The following FBXO24 variants were observed in gnomAD, a reference collection of about 807,000 sequenced individuals.
FBXO24 encodes the protein F-box protein 24.
In FBXO24, 30 loss-of-function variants were observed where a neutral mutation model predicts 63.5. The ratio of observed to expected loss-of-function variants is 0.47; its 90% CI spans 0.35 to 0.64. The LOEUF is 0.64. Among genes scored for constraint, FBXO24 ranks in the 30% least tolerant of loss-of-function variants. The probability of loss-of-function intolerance (pLI) is 0.00; values close to 1 mark genes in which losing one functional copy is unlikely to be tolerated. For missense variants in FBXO24, 624 were observed against 763.4 expected, an observed-to-expected ratio of 0.82 and a Z score of 2.15; for synonymous variants, 300 against 305.0, an observed-to-expected ratio of 0.98 and a Z score of 0.17.
intron 8 of FBXO24, among the ~76,000 whole-genome samples, chr7:100,598,751 T>C (rs1287539030): frequency 6.6e-6 from 1 of 151,754 alleles, no homozygotes; most frequent in Admixed American, 6.6e-5. Flanking sequence ...CCAAGGCAGG[T>C]GGATTGCCTG....
rs773347448 is a variant in FBXO24, at chr7:100,591,785, C to T, written c.441C>T (p.Phe147=). 2 of 1,614,260 alleles carry T rather than the reference C, an allele frequency of 1.2e-6. No homozygotes were observed. The highest frequency in any genetic ancestry group is 4.5e-5 in the East Asian group (2 of 44,890). Residue 147 remains phenylalanine (F), a synonymous_variant, in exon 4 of 10, where the codon TTC becomes TTT. Coordinates refer to ENST00000241071, the MANE Select transcript of FBXO24 (RefSeq NM_033506.3). ...RRFLPTKDHV[F]ILDYVGTLFF... The stretch of plus-strand genomic sequence containing the variant: ...TCTTGCCCACCAAGGATCACGTCTT[C>T]ATTCTTGACTACGTGGGGACCCTCT...
intron 8 of FBXO24, among the ~76,000 whole-genome samples, chr7:100,596,273 C>G (rs1474722077): frequency 6.6e-6 from 1 of 151,656 alleles, no homozygotes; most frequent in Non-Finnish European, 1.5e-5. Context: ...AGCGAGACTC[C>G]GTCTCAAAGA....
At chr7:100,589,361 A>G (rs1801887913) in intron 1 of FBXO24, 2 of 1,118,478 alleles carry the variant, frequency 1.8e-6, no homozygotes, top group Non-Finnish European at 2.2e-6. Flanking sequence ...GGCCTCAAAT[A>G]GGAAAACTTC....
At chr7:100,590,504 C>T in intron 3 of FBXO24, 147 bp downstream of exon 3, 1 of 816,520 alleles carries the variant, frequency 1.2e-6, no homozygotes. Context: ...TTCAAACATT[C>T]TCCCTTGAGT....
chr7:100,589,640 C>A lies in FBXO24; in HGVS notation c.40-337C>A, dbSNP rs921177772. 3.4e-6 allele frequency: 5 copies of A among 1,485,848 alleles called. No individual in the cohort carries two copies. The African/African-American group carries it at 7.1e-5, about 21-fold the overall frequency. 92.0% of individuals were successfully genotyped at this position (1,485,848 alleles called of 1,614,324 possible). On this transcript the variant is annotated intron_variant, in intron 1 of 9. Coordinates refer to ENST00000241071, the MANE Select transcript of FBXO24 (RefSeq NM_033506.3). Reference sequence around the variant, plus strand: ...AGGTCCCCCAAGCCTAGGCTGGGGACATGGTGTGGGAAAGCCAGCAGGAAC... The same window carrying A: ...AGGTCCCCCAAGCCTAGGCTGGGGAAATGGTGTGGGAAAGCCAGCAGGAAC...
intron 3 of FBXO24, 124 bp downstream of exon 3, chr7:100,590,481 G>A: frequency 2.0e-6 from 2 of 988,496 alleles, no homozygotes; most frequent in African/African-American, 1.6e-5. Context: ...TTCTCCGGAA[G>A]AAACGGGTCC....
intron 1 of FBXO24, chr7:100,589,279 A>AT: frequency 1.8e-6 from 1 of 548,048 alleles, no homozygotes; most frequent in Non-Finnish European, 2.4e-6. Flanking sequence ...TGAGCTACCA[A>AT]TCCCTAGAGG....
Position 100,600,179 on chromosome 7 carries a change from C to T in FBXO24, c.1355C>T (p.Ser452Phe). Residue 452 changes from serine (S) to phenylalanine (F), a missense_variant, in exon 9 of 10, where the codon TCC becomes TTC. Physicochemically the swap from Ser to Phe is radical, Grantham distance 155 (BLOSUM62 -2). This residue lies in a region of FBXO24 where 216 missense variants were observed against 245.2 expected (regional missense o/e 0.88). Coordinates refer to ENST00000241071, the MANE Select transcript of FBXO24 (RefSeq NM_033506.3). The surrounding 1 kb of genome is among the most constrained non-coding windows in gnomAD (Gnocchi z 6.3). ...CCAGGCTGGCCCAAGGGGAGTGCCT[C>T]CTTCGTCAAGCTCCAAGTCAAGGTC... ...RLPGWPKGSASFVKLQVKVPL... is the reference protein window; with the variant it reads ...RLPGWPKGSAFFVKLQVKVPL... 4 of 1,573,240 alleles carry T rather than the reference C, an allele frequency of 2.5e-6. No homozygotes were observed. The highest frequency in any genetic ancestry group is 2.6e-6 in the Non-Finnish European group (3 of 1,159,092).
Position 100,586,684 on chromosome 7 carries a change from C to T in FBXO24, c.39+20C>T, listed in dbSNP as rs971109257. The stretch of plus-strand genomic sequence containing the variant: ...AGGCGGGTGAGCTAGAACTTTAAGA[C>T]TGAGGTTAAGAATGAACGCGGAGCC... On this transcript the variant is annotated intron_variant, in intron 1 of 9. Transcript: ENST00000241071. 3.1e-6 allele frequency: 5 copies of T among 1,613,898 alleles called. No homozygotes were observed. In the African/African-American group the frequency reaches 4.0e-5, roughly 13 times the overall value.
intron 4 of FBXO24, 68 bp downstream of exon 4, chr7:100,591,970 C>T (rs535404217): frequency 6.6e-5 from 99 of 1,501,306 alleles, no homozygotes; most frequent in Admixed American, 5.1e-5. Context: ...GCTATAAAGA[C>T]GTACCAGAGG....
At position 100,600,814 on chromosome 7, in the gene FBXO24, A is replaced by G; in HGVS notation, c.1658A>G (p.Lys553Arg). Reference sequence around the variant, plus strand: ...TGGATGCCCCTGATGGCCGCACAGAAGGACTTCTTCTGGGAGGCCCTGGAC... The same window carrying G: ...TGGATGCCCCTGATGGCCGCACAGAGGGACTTCTTCTGGGAGGCCCTGGAC... ...VGWMPLMAAQ[K>R]DFFWEALDML... Residue 553 changes from lysine to arginine, a missense_variant, in exon 10 of 10, where the codon AAG becomes AGG. By Grantham distance (26) the Lys-to-Arg change is conservative. Coordinates refer to ENST00000241071, the MANE Select transcript of FBXO24 (RefSeq NM_033506.3). This position sits in a 1 kb window ranked among gnomAD's most constrained non-coding sequence, Gnocchi z 6.3. 6.2e-7 allele frequency: 1 copy of G among 1,614,154 alleles called. No individual in the cohort carries two copies.
chr7:100,592,925 G>A lies in FBXO24; in HGVS notation c.701G>A (p.Arg234Gln), dbSNP rs199505241. The A allele has an allele frequency of 8.2e-5, 133 of 1,614,020 alleles. No homozygotes were observed. Among genetic ancestry groups the A allele is most frequent in the Non-Finnish European group, 1.1e-4 (125 of 1,180,044 alleles). ...GTCTATCTGCAGTCTAGTGGGCAGCGGGTCTTCAAGATGACATTCCACCAC... is the reference window on the plus strand; with the variant it reads ...GTCTATCTGCAGTCTAGTGGGCAGCAGGTCTTCAAGATGACATTCCACCAC... ...VEVYLQSSGQ[R>Q]VFKMTFHHSM... is the part of the protein sequence containing the mutation. Residue 234 changes from arginine (R) to glutamine (Q), a missense_variant, in exon 5 of 10, where the codon CGG becomes CAG. Physicochemically the swap from Arg to Gln is conservative, Grantham distance 43. Around this residue, in one of 3 missense-constraint regions of FBXO24, gnomAD observed 391 missense variants for 469.1 expected, o/e 0.83. Coordinates refer to ENST00000241071, the MANE Select transcript of FBXO24 (RefSeq NM_033506.3).
In FBXO24 at chr7:100,600,596, C is replaced by G; in HGVS notation, c.1440C>G (p.His480Gln). 6.2e-7 allele frequency: 1 copy of G among 1,609,936 alleles called. No individual in the cohort carries two copies. The highest frequency in any genetic ancestry group is 8.5e-7 in the Non-Finnish European group (1 of 1,177,396). ...TRECLYILSSHDIEQHAPYRH... is the reference protein window; with the variant it reads ...TRECLYILSSQDIEQHAPYRH... ...AGTGCCTATACATCCTGTCCAGCCACGACATTGAGCAGCACGCCCCCTATC... is the reference window on the plus strand; with the variant it reads ...AGTGCCTATACATCCTGTCCAGCCAGGACATTGAGCAGCACGCCCCCTATC... The change falls in exon 10 of 10, where the codon CAC becomes CAG. Residue 480 changes from histidine (H) to glutamine (Q), a missense_variant. By Grantham distance (24) the His-to-Gln change is conservative (BLOSUM62 0). This residue lies in a region of FBXO24 where 216 missense variants were observed against 245.2 expected (regional missense o/e 0.88). Transcript: ENST00000241071. This position sits in a 1 kb window ranked among gnomAD's most constrained non-coding sequence, Gnocchi z 6.3.
At chr7:100,592,250 A>G (rs1236955725) in intron 4 of FBXO24, 2 of 243,760 alleles carry the variant, frequency 8.2e-6, no homozygotes, top group Non-Finnish European at 1.6e-5. Flanking sequence ...CAAGAGGGAG[A>G]CTCCGTCTCG....
chr7:100,588,481 A>G (rs543687706), intron 1 of FBXO24, among the ~76,000 whole-genome samples: 1 of 152,132 alleles, frequency 6.6e-6, no homozygotes, highest in Non-Finnish European at 1.5e-5. Context: ...GGCACCATAC[A>G]TAAGGGAATT....
In FBXO24 at chr7:100,600,759, C is replaced by T. The variant is rs1451798756; in HGVS notation, c.1603C>T (p.Arg535Cys). 9 of 1,614,158 alleles carry T rather than the reference C, an allele frequency of 5.6e-6. No individual in the cohort carries two copies. The highest frequency in any genetic ancestry group is 2.2e-5 in the East Asian group (1 of 44,878). ...CCACAGTTGCCAAACGTTGCAGGAC[C>T]GCACGGAGAAGATGAAGGAGATCGT... ...QIHSCQTLQD[R>C]TEKMKEIVGW... is the part of the protein sequence containing the mutation. Residue 535 changes from arginine to cysteine, a missense_variant, in exon 10 of 10, where the codon CGC (arginine) becomes TGC (cysteine). Coordinates refer to ENST00000241071, the MANE Select transcript of FBXO24 (RefSeq NM_033506.3). The surrounding 1 kb of genome is among the most constrained non-coding windows in gnomAD (Gnocchi z 6.3).
Position 100,586,350 on chromosome 7 carries a change from G to C in FBXO24, c.-276G>C. 2 of 643,280 alleles carry C rather than the reference G, an allele frequency of 3.1e-6. No homozygotes were observed. Among genetic ancestry groups the C allele is most frequent in the South Asian group, 3.9e-5 (2 of 50,844 alleles). 39.8% of individuals were successfully genotyped at this position (643,280 alleles called of 1,614,324 possible). ...GATAGAGCGCTCGCCAACGGCCGAC[G>C]CTCCAGGCCGTCCCGCCCAGCGCAG... On this transcript the variant is annotated 5_prime_UTR_variant, in exon 1 of 10. Coordinates refer to ENST00000241071, the MANE Select transcript of FBXO24 (RefSeq NM_033506.3).
chr7:100,592,962 C>T lies in FBXO24; in HGVS notation c.738C>T (p.Phe246=), dbSNP rs1233182411. Residue 246 remains phenylalanine (F), a synonymous_variant, in exon 5 of 10, where the codon TTC becomes TTT. Coordinates refer to ENST00000241071, the MANE Select transcript of FBXO24 (RefSeq NM_033506.3). The part of the protein sequence containing the change: ...FKMTFHHSMT[F]KQIVLVGQET... ...TGACATTCCACCACTCAATGACCTT[C>T]AAGCAGATCGTGCTGGTTGGTCAGG... 1.9e-6 allele frequency: 3 copies of T among 1,614,066 alleles called. No individual in the cohort carries two copies. The highest frequency in any genetic ancestry group is 2.5e-6 in the Non-Finnish European group (3 of 1,180,056).
intron 8 of FBXO24, among the ~76,000 whole-genome samples, chr7:100,596,997 G>A (rs899476886): frequency 1.4e-4 from 22 of 152,134 alleles, no homozygotes; most frequent in African/African-American, 5.3e-4. Flanking sequence ...AGCCGAGATC[G>A]TGCCACAACA....
Sources: allele counts gnomAD v4.1 joint callset (sites outside exome capture counted in the v4.1 genomes callset), GRCh38; gene constraint gnomAD v4.1.1; regional missense constraint gnomAD v4.1.1; non-coding constraint Gnocchi (gnomAD v3.1); transcripts MANE v1.5; gene names NCBI Gene and HGNC (gene_info 2026-07-23, HGNC 2026-07-21).